Variants in MIPEP observed in about 807,000 individuals in gnomAD.
MIPEP encodes the protein mitochondrial intermediate peptidase.
MIPEP carries 79 observed loss-of-function variants against 90.3 expected under a neutral mutation model. The observed-to-expected ratio is 0.87, with a 90% CI of 0.73 to 1.05. MIPEP has a LOEUF of 1.05. Ranked by LOEUF, MIPEP falls within the 50% of genes least tolerant of loss-of-function variation. The pLI, the probability that MIPEP is intolerant of heterozygous loss-of-function variation, is 0.00. For missense variants in MIPEP, 940 were observed against 905.6 expected, an observed-to-expected ratio of 1.04 and a Z score of -0.49; for synonymous variants, 334 against 315.8, an observed-to-expected ratio of 1.06 and a Z score of -0.61.
intron 9 of MIPEP, 46 bp from the exon 10 acceptor site, chr13:23,858,958 A>C: frequency 6.5e-7 from 1 of 1,547,514 alleles, no homozygotes; most frequent in South Asian, 1.1e-5. Flanking sequence ...TGACTCTTTC[A>C]TAGTTTTTAT....
chr13:23,786,883 G>T (rs1461474636), intron 16 of MIPEP, among the ~76,000 whole-genome samples: 1 of 152,168 alleles, frequency 6.6e-6, no homozygotes, highest in East Asian at 1.9e-4. Flanking sequence ...GTAGTCAAGT[G>T]CACAGAGTTA....
rs139782121 is a variant in MIPEP, at chr13:23,884,983, G to A, written c.363+1350C>T. Among the ~76,000 whole-genome samples, 68 of 152,218 alleles carry A rather than the reference G, an allele frequency of 4.5e-4. 1 individual carries two copies. The East Asian group carries it at 0.012, about 28-fold the overall frequency. ...CCTGCTTCCTGGAAATGAGTATATC[G>A]AAGAGATATCTGCACTTCCATGTTT... is the stretch of plus-strand genomic sequence containing the variant. On this transcript the variant is annotated intron_variant, in intron 2 of 18. Transcript: ENST00000382172.
Position 23,817,695 on chromosome 13 carries a change from C to T in MIPEP, c.1654-7771G>A, listed in dbSNP as rs999179210. Among the ~76,000 whole-genome samples, 5 of 152,100 alleles carry T rather than the reference C, an allele frequency of 3.3e-5. No individual in the cohort carries two copies. The South Asian group carries it at 1.0e-3, about 32-fold the overall frequency. Reference sequence around the variant, plus strand: ...TGTGAGGCATGCTGCAGGTGTGTAACGTCGGGCTTGTTGATTCAATTTGTT... The same window carrying T: ...TGTGAGGCATGCTGCAGGTGTGTAATGTCGGGCTTGTTGATTCAATTTGTT... On this transcript the variant is annotated intron_variant, in intron 14 of 18. Transcript: ENST00000382172.
chr13:23,847,678 T>C (rs943818186), intron 10 of MIPEP, among the ~76,000 whole-genome samples: 1 of 151,976 alleles, frequency 6.6e-6, no homozygotes, highest in African/African-American at 2.4e-5. Context: ...AAAAATGAGA[T>C]AGTACCACAG....
chr13:23,850,479 T>C (rs763228064), intron 10 of MIPEP, among the ~76,000 whole-genome samples: 4 of 152,150 alleles, frequency 2.6e-5, no homozygotes, highest in East Asian at 1.9e-4. Context: ...GGCAAGAAAA[T>C]TGCTCCAGTC....
At position 23,886,388 on chromosome 13, in the gene MIPEP, T is replaced by C; in HGVS notation, c.308A>G (p.Gln103Arg). 1 of 1,608,186 alleles carries C rather than the reference T, an allele frequency of 6.2e-7. No homozygotes were observed. Among genetic ancestry groups the C allele is most frequent in the Non-Finnish European group, 8.5e-7 (1 of 1,176,924 alleles). ...DRACSTPPGPQTVLIFDELSD... is the reference protein window; with the variant it reads ...DRACSTPPGPRTVLIFDELSD... Reference sequence around the variant, plus strand: ...GAGCTCATCGAAGATCAGCACGGTCTGGGGCCCAGGTGGGGTGGAACATGC... The same window carrying C: ...GAGCTCATCGAAGATCAGCACGGTCCGGGGCCCAGGTGGGGTGGAACATGC... Residue 103 changes from glutamine to arginine, a missense_variant, in exon 2 of 19, where the codon CAG becomes CGG. Coordinates refer to ENST00000382172, the MANE Select transcript of MIPEP (RefSeq NM_005932.4).
rs777602226 is a variant in MIPEP, at chr13:23,836,364, A to C, written c.1544-15T>G. 2 of 1,515,756 alleles carry C rather than the reference A, an allele frequency of 1.3e-6. No individual in the cohort carries two copies. Among genetic ancestry groups the C allele is most frequent in the South Asian group, 2.6e-5 (2 of 76,760 alleles). 93.9% of individuals were successfully genotyped at this position (1,515,756 alleles called of 1,614,324 possible). On this transcript the variant is annotated splice_polypyrimidine_tract_variant and intron_variant, in intron 13 of 18. Transcript: ENST00000382172. ...GCACCTGGTCCCTAAAACAAGAAAAAAAAAAAAGTTGGCATGAATCAAATC... is the reference window on the plus strand; with the variant it reads ...GCACCTGGTCCCTAAAACAAGAAAACAAAAAAAGTTGGCATGAATCAAATC...
chr13:23,884,865 G>T (rs1871409219), intron 2 of MIPEP, among the ~76,000 whole-genome samples: 1 of 152,176 alleles, frequency 6.6e-6, no homozygotes, highest in Non-Finnish European at 1.5e-5. Context: ...ATACCATGTA[G>T]ACAGGATCAT....
At chr13:23,856,382 G>T (rs1368427472) in intron 10 of MIPEP, among the ~76,000 whole-genome samples, 1 of 152,206 alleles carries the variant, frequency 6.6e-6, no homozygotes. Flanking sequence ...AAATAAATGT[G>T]AGTAGAGATG....
At chr13:23,756,279 C>T (rs557340198) in intron 18 of MIPEP, among the ~76,000 whole-genome samples, 3 of 152,156 alleles carry the variant, frequency 2.0e-5, no homozygotes, top group East Asian at 1.9e-4. Context: ...CTCAGCCTCC[C>T]GAGTAGCTGG....
intron 16 of MIPEP, among the ~76,000 whole-genome samples, chr13:23,788,562 T>A (rs1952871112): frequency 6.6e-6 from 1 of 152,166 alleles, no homozygotes; most frequent in Non-Finnish European, 1.5e-5. Flanking sequence ...TCTTTGGTCA[T>A]ATTAAGTCAC....
In MIPEP at chr13:23,844,014, G is replaced by A. The variant is rs549907940; in HGVS notation, c.1107-2526C>T. The stretch of plus-strand genomic sequence containing the variant: ...TGAGGTGCAATGATGGGAGGAGGAT[G>A]GAGGGCTCACAGAAAATAAACTCCA... On this transcript the variant is annotated intron_variant, in intron 10 of 18. Transcript: ENST00000382172. Among the ~76,000 whole-genome samples the A allele has an allele frequency of 3.3e-5, 5 of 152,216 alleles. No homozygotes were observed. In the South Asian group the frequency reaches 1.0e-3, roughly 32 times the overall value.
rs191331053 is a variant in MIPEP, at chr13:23,806,705, C to A, written c.1729-636G>T. The stretch of plus-strand genomic sequence containing the variant: ...ACCAAACAAAAAACAACAACAACAA[C>A]AAAAAAATCTATATCTATCTATCTA... On this transcript the variant is annotated intron_variant, in intron 15 of 18. Coordinates refer to ENST00000382172, the MANE Select transcript of MIPEP (RefSeq NM_005932.4). 1.3e-3 allele frequency among the ~76,000 whole-genome samples: 182 copies of A among 141,822 alleles called. 2 individuals are homozygous for A. The highest frequency in any genetic ancestry group is 3.7e-3 in the African/African-American group (141 of 38,358). 93.0% of individuals were successfully genotyped at this position (141,822 alleles called of 152,430 possible).
At chr13:23,869,022 G>C (rs1019477453) in intron 7 of MIPEP, among the ~76,000 whole-genome samples, 3 of 152,136 alleles carry the variant, frequency 2.0e-5, no homozygotes, top group South Asian at 2.1e-4. Context: ...GTGTTAAAAT[G>C]AAAACAATTT....
At chr13:23,815,641 G>T (rs952877983) in intron 14 of MIPEP, among the ~76,000 whole-genome samples, 1 of 152,078 alleles carries the variant, frequency 6.6e-6, no homozygotes, top group African/African-American at 2.4e-5. Context: ...TAAAATAGCC[G>T]ATTATCTTGA....
chr13:23,738,630 T>G (rs887492103), intron 18 of MIPEP, among the ~76,000 whole-genome samples: 1 of 150,928 alleles, frequency 6.6e-6, no homozygotes, highest in African/African-American at 2.4e-5. Flanking sequence ...TTTTTTTTTG[T>G]AGGAATGGGG....
rs371786552 is a variant in MIPEP, at chr13:23,864,196, C to T, written c.944-7G>A. The T allele has an allele frequency of 3.5e-5, 54 of 1,537,466 alleles. No individual in the cohort carries two copies. The highest frequency in any genetic ancestry group is 4.6e-5 in the East Asian group (2 of 43,290). On this transcript the variant is annotated splice_region_variant and splice_polypyrimidine_tract_variant and intron_variant, in intron 7 of 18. Transcript: ENST00000382172. Reference sequence around the variant, plus strand: ...AGGAACTGCATGACAGTCTCTAAAACGAAATCCAAAAGAAAATATCTTCAA... The same window carrying T: ...AGGAACTGCATGACAGTCTCTAAAATGAAATCCAAAAGAAAATATCTTCAA...
intron 2 of MIPEP, among the ~76,000 whole-genome samples, chr13:23,884,027 T>C (rs1024514113): frequency 6.6e-6 from 1 of 151,906 alleles, no homozygotes; most frequent in Non-Finnish European, 1.5e-5. Context: ...ATCTGAAAGG[T>C]GTTAATGCTC....
At chr13:23,756,721 G>A (rs571623560) in intron 17 of MIPEP, 103 bp from the exon 18 acceptor site, 2 of 1,119,824 alleles carry the variant, frequency 1.8e-6, no homozygotes, top group East Asian at 2.4e-5. Flanking sequence ...ATTCATAAAA[G>A]CTGCCACCAT....
Sources: allele counts gnomAD v4.1 joint callset (sites outside exome capture counted in the v4.1 genomes callset), GRCh38; gene constraint gnomAD v4.1.1; transcripts MANE v1.5; gene names NCBI Gene and HGNC (gene_info 2026-07-23, HGNC 2026-07-21).